CBLN2: variants seen among roughly 807,000 people sequenced by gnomAD.
CBLN2 encodes the protein cerebellin 2 precursor, also known as cerebellin-2.
CBLN2 carries 7 observed loss-of-function variants against 15.0 expected under a neutral mutation model. The observed-to-expected ratio is 0.47, with a 90% CI of 0.27 to 0.88. The LOEUF is 0.88. Among genes scored for constraint, CBLN2 ranks in the 40% least tolerant of loss-of-function variants. CBLN2 has a pLI of 0.14. For missense variants in CBLN2, 242 were observed against 304.5 expected, an observed-to-expected ratio of 0.79 and a Z score of 1.53; for synonymous variants, 149 against 135.2, an observed-to-expected ratio of 1.10 and a Z score of -0.71.
At chr18:72,598,825 T>C (rs542389481) in intron 1 of CBLN2, among the ~76,000 whole-genome samples, 35 of 152,284 alleles carry the variant, frequency 2.3e-4, no homozygotes, top group African/African-American at 6.7e-4. Flanking sequence ...TTTCCACTGA[T>C]ATAGGGCAGC....
intron 1 of CBLN2, among the ~76,000 whole-genome samples, chr18:72,576,241 G>A (rs1433368487): frequency 6.6e-6 from 1 of 152,118 alleles, no homozygotes; most frequent in Non-Finnish European, 1.5e-5. Flanking sequence ...TAGAATGTGA[G>A]CCTTCTGACA....
chr18:72,622,790 G>A (rs75223372), intron 1 of CBLN2, among the ~76,000 whole-genome samples: 27 of 152,196 alleles, frequency 1.8e-4, no homozygotes, highest in East Asian at 1.5e-3. Context: ...ATGGAAAACC[G>A]TGTATCACAT....
chr18:72,540,733 G>A (rs559546211), intron 3 of CBLN2, among the ~76,000 whole-genome samples: 3 of 151,894 alleles, frequency 2.0e-5, no homozygotes, highest in Non-Finnish European at 4.4e-5. Flanking sequence ...AAATAAATAC[G>A]CTGACTTAAA....
intron 1 of CBLN2, among the ~76,000 whole-genome samples, chr18:72,617,370 AT>A (rs749033492): frequency 1.6e-4 from 25 of 152,210 alleles, no homozygotes; most frequent in Non-Finnish European, 3.1e-4. Flanking sequence ...TATGAAAAAA[AT>A]GTAAATGTGT....
chr18:72,550,989 C>A (rs2069188570), intron 1 of CBLN2, among the ~76,000 whole-genome samples: 1 of 152,018 alleles, frequency 6.6e-6, no homozygotes, highest in South Asian at 2.1e-4. Context: ...ATGGGTAATG[C>A]AGGGCACAGT....
At chr18:72,559,211 A>G (rs1033084031) in intron 1 of CBLN2, among the ~76,000 whole-genome samples, 1 of 152,224 alleles carries the variant, frequency 6.6e-6, no homozygotes, top group East Asian at 1.9e-4. Context: ...AATGCACTTG[A>G]TGTTTTGTGA....
intron 1 of CBLN2, among the ~76,000 whole-genome samples, chr18:72,599,562 C>A (rs1358919070): frequency 4.6e-5 from 7 of 152,142 alleles, no homozygotes; most frequent in African/African-American, 1.7e-4. Context: ...ATATTACTTG[C>A]TGATTAACCA....
At chr18:72,593,314 AT>A (rs1360427470) in intron 1 of CBLN2, among the ~76,000 whole-genome samples, 1 of 151,996 alleles carries the variant, frequency 6.6e-6, no homozygotes, top group Non-Finnish European at 1.5e-5. Context: ...CAGATTTTTC[AT>A]TGTCGGCATA....
upstream of CBLN2, among the ~76,000 whole-genome samples, chr18:72,546,377 C>A (rs552253101): frequency 6.1e-4 from 92 of 151,582 alleles, 1 homozygote; most frequent in Middle Eastern, 0.014. Context: ...GCGGAGCTTG[C>A]AGTGAGCCAA....
chr18:72,554,757 GA>G (rs1361302810), intron 1 of CBLN2, among the ~76,000 whole-genome samples: 5 of 151,844 alleles, frequency 3.3e-5, no homozygotes, highest in Admixed American at 1.3e-4. Context: ...AAACGTTAAA[GA>G]AAAAAAATTG....
intron 1 of CBLN2, among the ~76,000 whole-genome samples, chr18:72,623,366 C>T (rs145372588): frequency 0.011 from 1,620 of 152,282 alleles, 17 homozygotes; most frequent in Non-Finnish European, 0.014. Context: ...GAACATGTTA[C>T]CTTTCCCAAA....
chr18:72,632,803 T>C (rs1281986628), intron 1 of CBLN2, among the ~76,000 whole-genome samples: 1 of 152,204 alleles, frequency 6.6e-6, no homozygotes, highest in Admixed American at 6.5e-5. Context: ...CCCATGCAGA[T>C]CAAGAGCACT....
intron 1 of CBLN2, chr18:72,619,273 CG>C: frequency 2.7e-6 from 2 of 749,578 alleles, no homozygotes; most frequent in Non-Finnish European, 2.2e-6. Flanking sequence ...AGAGAAGTGA[CG>C]GGGAAGCTAC....
chr18:72,560,250 A>G (rs1468990601), intron 1 of CBLN2, among the ~76,000 whole-genome samples: 1 of 152,232 alleles, frequency 6.6e-6, no homozygotes, highest in Non-Finnish European at 1.5e-5. Flanking sequence ...GATGCAGGCC[A>G]GTCATGGACA....
At chr18:72,565,849 A>C (rs1257778923) in intron 1 of CBLN2, among the ~76,000 whole-genome samples, 1 of 152,216 alleles carries the variant, frequency 6.6e-6, no homozygotes, top group Non-Finnish European at 1.5e-5. Flanking sequence ...TGCACAGCAG[A>C]GGAAACAATC....
intron 1 of CBLN2, among the ~76,000 whole-genome samples, chr18:72,607,047 G>A (rs1426426994): frequency 2.0e-5 from 3 of 152,172 alleles, no homozygotes; most frequent in Non-Finnish European, 4.4e-5. Flanking sequence ...GTTCATTAGG[G>A]TGGGCTTTAT....
chr18:72,568,420 T>C (rs1326522870), intron 1 of CBLN2, among the ~76,000 whole-genome samples: 1 of 152,134 alleles, frequency 6.6e-6, no homozygotes, highest in Non-Finnish European at 1.5e-5. Context: ...TTCATGTCAG[T>C]AGCTTCCAAA....
chr18:72,538,893 C>G (rs894975989), intron 3 of CBLN2, 121 bp from the exon 4 acceptor site: 2 of 1,295,288 alleles, frequency 1.5e-6, no homozygotes, highest in African/African-American at 3.0e-5. Flanking sequence ...ACAAATTCAG[C>G]ATCCTCAGCA....
chr18:72,561,751 C>G (rs139808532), intron 1 of CBLN2, among the ~76,000 whole-genome samples: 1 of 152,118 alleles, frequency 6.6e-6, no homozygotes, highest in Non-Finnish European at 1.5e-5. Context: ...GAAACTATAA[C>G]GTATTGCTTA....
Sources: allele counts gnomAD v4.1 joint callset (sites outside exome capture counted in the v4.1 genomes callset), GRCh38; gene constraint gnomAD v4.1.1; transcripts MANE v1.5; gene names NCBI Gene and HGNC (gene_info 2026-07-23, HGNC 2026-07-21).